The following CELF2 variants were observed in gnomAD, a reference collection of about 807,000 sequenced individuals.
CELF2 encodes the protein CUGBP Elav-like family member 2, also known as CUG triplet repeat RNA-binding protein 2.
In CELF2, 8 loss-of-function variants were observed where a neutral mutation model predicts 62.6. The observed-to-expected ratio is 0.13, with a 90% CI of 0.07 to 0.23. The LOEUF is 0.23. Ranked by LOEUF, CELF2 falls within the 10% of genes least tolerant of loss-of-function variation. The pLI, the probability that CELF2 is intolerant of heterozygous loss-of-function variation, is 1.00. For synonymous variants in CELF2, 258 were observed against 250.0 expected (o/e 1.03, Z -0.30); for missense variants, 333 against 671.0 (o/e 0.50, Z 5.56).
rs1268867691 is a variant in CELF2 at position 10,957,975 on chromosome 10, A to G, written c.89+37976A>G. Among the ~76,000 whole-genome samples, 1 of 152,236 alleles carries G rather than the reference A, an allele frequency of 6.6e-6. No homozygotes were observed. Reference sequence around the variant, plus strand: ...AGGAGCGCTATGACTTAAGGAATGTATATGAAATCTTCACCAGGTGGAGGG... The same window carrying G: ...AGGAGCGCTATGACTTAAGGAATGTGTATGAAATCTTCACCAGGTGGAGGG... On this transcript the variant is annotated intron_variant, in intron 2 of 13. Transcript: ENST00000636488. This position sits in a 1 kb window ranked among gnomAD's most constrained non-coding sequence, Gnocchi z 4.1.
rs569722902 is a variant in CELF2, at chr10:11,061,110, G to A, written c.74+42947G>A. Among the ~76,000 whole-genome samples the A allele has an allele frequency of 1.9e-3, 286 of 152,304 alleles. 2 individuals are homozygous for A. Among genetic ancestry groups the A allele is most frequent in the African/African-American group, 6.3e-3 (261 of 41,568 alleles). On this transcript the variant is annotated intron_variant, in intron 1 of 12. Transcript: ENST00000633077. The stretch of plus-strand genomic sequence containing the variant: ...AAAAGCTGAGAAACGCTGAAAGCTG[G>A]GTCTGTTGGACCAAGCATTCTATCC...
chr10:10,519,310 A>T, the CELF2 span, among the ~76,000 whole-genome samples: 1 of 152,224 alleles, frequency 6.6e-6, no homozygotes, highest in Non-Finnish European at 1.5e-5. Flanking sequence ...CTTTGAATAA[A>T]TCTTCTATGC....
intron 1 of CELF2, among the ~76,000 whole-genome samples, chr10:10,846,537 C>T (rs190825937): frequency 6.6e-6 from 1 of 152,282 alleles, no homozygotes; most frequent in East Asian, 1.9e-4. Flanking sequence ...AACTTGTCTT[C>T]ATTTTGATGC....
the CELF2 span, among the ~76,000 whole-genome samples, chr10:10,701,135 T>C: frequency 3.9e-5 from 6 of 152,194 alleles, no homozygotes; most frequent in Non-Finnish European, 7.3e-5. Flanking sequence ...TAAAACATCA[T>C]GCACGAAGGC....
chr10:10,895,814 C>T (rs972813461), intron 1 of CELF2, among the ~76,000 whole-genome samples: 6 of 152,096 alleles, frequency 3.9e-5, no homozygotes, highest in African/African-American at 1.2e-4. Flanking sequence ...GGAAGACAGA[C>T]AATGAAGGGC....
intron 1 of CELF2, among the ~76,000 whole-genome samples, chr10:10,830,062 G>A (rs1279274237): frequency 6.6e-6 from 1 of 151,336 alleles, no homozygotes; most frequent in Non-Finnish European, 1.5e-5. Flanking sequence ...TGGCATGAGT[G>A]TATCCGTGTA....
chr10:10,466,276 T>C, the CELF2 span, among the ~76,000 whole-genome samples: 1 of 152,156 alleles, frequency 6.6e-6, no homozygotes, highest in Non-Finnish European at 1.5e-5. Flanking sequence ...TAGATTAATT[T>C]ACATTTTATA....
intron 2 of CELF2, among the ~76,000 whole-genome samples, chr10:10,933,957 C>T (rs528015028): frequency 6.6e-6 from 1 of 152,208 alleles, no homozygotes; most frequent in East Asian, 1.9e-4. Flanking sequence ...GCATATTTAC[C>T]CAATAGTGGG....
At chr10:11,273,330 C>T (rs1292193174) in intron 7 of CELF2, among the ~76,000 whole-genome samples, 2 of 152,092 alleles carry the variant, frequency 1.3e-5, no homozygotes, top group Non-Finnish European at 2.9e-5. Context: ...GTCAGATCAG[C>T]GGCAGCCTTG....
intron 1 of CELF2, among the ~76,000 whole-genome samples, chr10:11,061,901 G>T (rs1022246589): frequency 1.3e-5 from 2 of 152,092 alleles, no homozygotes; most frequent in African/African-American, 2.4e-5. Flanking sequence ...TAACCTTTGC[G>T]GCCTGGGCTC....
the CELF2 span, among the ~76,000 whole-genome samples, chr10:10,575,611 T>A: frequency 6.6e-6 from 1 of 152,188 alleles, no homozygotes; most frequent in Non-Finnish European, 1.5e-5. Context: ...TGACCTAACA[T>A]CAAATACGTG....
At chr10:10,736,966 G>C in the CELF2 span, among the ~76,000 whole-genome samples, 2 of 152,076 alleles carry the variant, frequency 1.3e-5, no homozygotes, top group Non-Finnish European at 2.9e-5. Context: ...AGGATGAGCT[G>C]GCCCTATCTG....
At chr10:11,258,540 G>A (rs905508676) in intron 5 of CELF2, among the ~76,000 whole-genome samples, 1 of 152,176 alleles carries the variant, frequency 6.6e-6, no homozygotes, top group Non-Finnish European at 1.5e-5. Flanking sequence ...GGTGTTTACA[G>A]AATAGTTGGA....
chr10:11,236,597 C>T (rs2071398190), intron 3 of CELF2, among the ~76,000 whole-genome samples: 1 of 152,248 alleles, frequency 6.6e-6, no homozygotes, highest in Admixed American at 6.5e-5. Flanking sequence ...CTTCTTGGAC[C>T]TTTTAATGAG....
the CELF2 span, among the ~76,000 whole-genome samples, chr10:10,768,124 C>A: frequency 6.6e-6 from 1 of 151,004 alleles, no homozygotes; most frequent in Non-Finnish European, 1.5e-5. Flanking sequence ...TGAGACCACG[C>A]CACTGCACTC....
chr10:11,026,477 T>A (rs1156384424), intron 1 of CELF2, among the ~76,000 whole-genome samples: 1 of 152,172 alleles, frequency 6.6e-6, no homozygotes, highest in East Asian at 1.9e-4. Context: ...CCTTGAAAAC[T>A]CTTAGGGGAA....
chr10:11,160,776 T>C (rs2065544155), intron 1 of CELF2, among the ~76,000 whole-genome samples: 1 of 152,230 alleles, frequency 6.6e-6, no homozygotes, highest in Non-Finnish European at 1.5e-5. Context: ...TAGTTTGCAT[T>C]CTGAAGATGA....
intron 1 of CELF2, among the ~76,000 whole-genome samples, chr10:11,032,989 T>G (rs1250850424): frequency 6.6e-6 from 1 of 152,202 alleles, no homozygotes; most frequent in African/African-American, 2.4e-5. Flanking sequence ...AGATTACCAA[T>G]TAGGTATTAA....
chr10:10,574,179 T>C, the CELF2 span, among the ~76,000 whole-genome samples: 3 of 152,102 alleles, frequency 2.0e-5, no homozygotes, highest in South Asian at 6.2e-4. Flanking sequence ...AAATAAAGAT[T>C]AGATGGTAAA....
Sources: gnomAD v4.1 joint callset for allele counts (sites outside exome capture counted in the v4.1 genomes callset) on GRCh38, gnomAD v4.1.1 for gene constraint, Gnocchi (gnomAD v3.1) non-coding constraint, MANE v1.5 for transcripts, NCBI Gene and HGNC (gene_info 2026-07-23, HGNC 2026-07-21) for gene names.